The following GBE1 variants were observed in gnomAD, a reference collection of about 807,000 sequenced individuals.
The protein encoded by GBE1 is 1,4-alpha-glucan branching enzyme 1.
In GBE1, 70 loss-of-function variants were observed where a neutral mutation model predicts 88.8. The observed-to-expected ratio is 0.79, with a 90% CI of 0.65 to 0.96. The LOEUF is 0.96. Ranked by LOEUF, GBE1 falls within the 40% of genes least tolerant of loss-of-function variation. The probability of loss-of-function intolerance (pLI) is 0.00; values close to 1 mark genes in which losing one functional copy is unlikely to be tolerated. For synonymous variants in GBE1, 284 were observed against 300.1 expected, an observed-to-expected ratio of 0.95 and a Z score of 0.56; for missense variants, 872 against 871.0, an observed-to-expected ratio of 1.00 and a Z score of -0.01.
At chr3:81,697,918 A>T (rs1465682051) in intron 2 of GBE1, among the ~76,000 whole-genome samples, 1 of 151,678 alleles carries the variant, frequency 6.6e-6, no homozygotes, top group Non-Finnish European at 1.5e-5. Flanking sequence ...GCCATGAACC[A>T]TGGATAAAAA....
intron 1 of GBE1, among the ~76,000 whole-genome samples, chr3:81,715,086 T>C (rs1705923286): frequency 6.6e-6 from 1 of 152,096 alleles, no homozygotes; most frequent in East Asian, 1.9e-4. Flanking sequence ...TGTAGAAGAA[T>C]AAAGGCTCCA....
At chr3:81,612,698 A>G in intron 7 of GBE1, 1 of 514,486 alleles carries the variant, frequency 1.9e-6, no homozygotes, top group Non-Finnish European at 3.8e-6. Context: ...GTACTTCATC[A>G]CTGTGTTCAA....
At chr3:81,750,970 G>A (rs2594555) in intron 1 of GBE1, among the ~76,000 whole-genome samples, 2,382 of 151,582 alleles carry the variant, frequency 0.016, 57 homozygotes, top group African/African-American at 0.054. Context: ...CAGCCACTGC[G>A]CCTGGCAACA....
At chr3:81,607,137 T>G (rs1369261270) in intron 7 of GBE1, among the ~76,000 whole-genome samples, 1 of 152,250 alleles carries the variant, frequency 6.6e-6, no homozygotes, top group East Asian at 1.9e-4. Flanking sequence ...CAAAATGATT[T>G]AAAATTCACA....
chr3:81,721,229 AAAT>A (rs1261845264), intron 1 of GBE1, among the ~76,000 whole-genome samples: 22 of 103,076 alleles, frequency 2.1e-4, no homozygotes, highest in South Asian at 5.4e-4. Context: ...ATAAATAAAT[AAAT>A]AAAAACACAT....
chr3:81,737,940 C>G (rs1044765534), intron 1 of GBE1, among the ~76,000 whole-genome samples: 1 of 151,764 alleles, frequency 6.6e-6, no homozygotes, highest in Non-Finnish European at 1.5e-5. Flanking sequence ...GTGTGATGTT[C>G]CCCCTCCTGT....
At chr3:81,570,438 T>C (rs1703558681) in intron 12 of GBE1, among the ~76,000 whole-genome samples, 1 of 152,212 alleles carries the variant, frequency 6.6e-6, no homozygotes, top group Admixed American at 6.5e-5. Context: ...TCTCCAAGCA[T>C]GAAAGATATT....
chr3:81,630,015 C>A (rs1454136352), intron 7 of GBE1, among the ~76,000 whole-genome samples: 1 of 151,982 alleles, frequency 6.6e-6, no homozygotes, highest in African/African-American at 2.4e-5. Flanking sequence ...TGGTTTCCAG[C>A]TTCATCCATG....
chr3:81,748,865 G>A (rs577050525), intron 1 of GBE1, among the ~76,000 whole-genome samples: 1 of 151,804 alleles, frequency 6.6e-6, no homozygotes, highest in South Asian at 2.1e-4. Context: ...AAATTAGCTG[G>A]GCATGGTGGT....
At chr3:81,634,249 A>T (rs1250461184) in intron 7 of GBE1, among the ~76,000 whole-genome samples, 1 of 152,214 alleles carries the variant, frequency 6.6e-6, no homozygotes, top group Admixed American at 6.5e-5. Flanking sequence ...TTTCAATCGT[A>T]TTATTTTATG....
At chr3:81,717,323 A>G (rs921924750) in intron 1 of GBE1, among the ~76,000 whole-genome samples, 4 of 152,202 alleles carry the variant, frequency 2.6e-5, no homozygotes, top group Non-Finnish European at 4.4e-5. Flanking sequence ...CTAGACAGAC[A>G]GAAGCTTTAG....
At chr3:81,638,787 G>T (rs1052640042) in intron 7 of GBE1, among the ~76,000 whole-genome samples, 2 of 152,126 alleles carry the variant, frequency 1.3e-5, no homozygotes, top group Non-Finnish European at 2.9e-5. Context: ...TTTAATTCTG[G>T]TAACTTTGAT....
rs565107040 is a variant in GBE1, at chr3:81,624,641, GATACACACACATGC to G, written c.992+18126_992+18139del. ...GTATAAACTTTTGGACTTTAGATGT[GATACACACACATGC>G]ATACACACACACATAACATGTAAAT... On this transcript the variant is annotated intron_variant, in intron 7 of 15. Coordinates refer to ENST00000429644, the MANE Select transcript of GBE1 (RefSeq NM_000158.4). Among the ~76,000 whole-genome samples the G allele has an allele frequency of 4.9e-3, 740 of 152,000 alleles. 2 individuals carry two copies. The highest frequency in any genetic ancestry group is 7.7e-3 in the Non-Finnish European group (525 of 67,978).
At chr3:81,631,968 C>T (rs868414749) in intron 7 of GBE1, among the ~76,000 whole-genome samples, 4 of 152,004 alleles carry the variant, frequency 2.6e-5, no homozygotes, top group Non-Finnish European at 5.9e-5. Context: ...TGTCTCCCAC[C>T]CCCCAATAGG....
intron 1 of GBE1, among the ~76,000 whole-genome samples, chr3:81,757,782 T>C (rs1191255480): frequency 6.6e-6 from 1 of 152,140 alleles, no homozygotes; most frequent in African/African-American, 2.4e-5. Context: ...AAAATGAAGA[T>C]ATAAATAAGT....
intron 14 of GBE1, among the ~76,000 whole-genome samples, chr3:81,515,306 G>A (rs1385747164): frequency 1.3e-5 from 2 of 151,222 alleles, no homozygotes; most frequent in Non-Finnish European, 3.0e-5. Flanking sequence ...ATATATGATT[G>A]TCTATTCATA....
chr3:81,559,485 C>T (rs1703391322), intron 12 of GBE1, among the ~76,000 whole-genome samples: 1 of 151,948 alleles, frequency 6.6e-6, no homozygotes, highest in East Asian at 1.9e-4. Context: ...TGTACCCACC[C>T]CATGAAGTTT....
At chr3:81,543,420 G>A (rs1703167729) in intron 12 of GBE1, among the ~76,000 whole-genome samples, 1 of 151,968 alleles carries the variant, frequency 6.6e-6, no homozygotes, top group Non-Finnish European at 1.5e-5. Context: ...TTCATATTTG[G>A]TTCAAAACCA....
At chr3:81,567,995 A>G (rs538141406) in intron 12 of GBE1, among the ~76,000 whole-genome samples, 89 of 152,290 alleles carry the variant, frequency 5.8e-4, no homozygotes, top group South Asian at 2.5e-3. Flanking sequence ...TTACAGTGAC[A>G]CTAGTCTCCT....
Sources: gnomAD v4.1 joint callset for allele counts (sites outside exome capture counted in the v4.1 genomes callset) on GRCh38, gnomAD v4.1.1 for gene constraint, MANE v1.5 for transcripts, NCBI Gene and HGNC (gene_info 2026-07-23, HGNC 2026-07-21) for gene names.